The following ZBED6 variants were observed in gnomAD, a reference collection of about 807,000 sequenced individuals.
ZBED6 encodes zinc finger BED domain-containing protein 6.
ZBED6 carries 40 observed loss-of-function variants against 58.4 expected under a neutral mutation model. That is an observed-to-expected ratio of 0.68 (90% CI 0.53 to 0.89). The LOEUF is 0.89. Ranked by LOEUF, ZBED6 falls within the 40% of genes least tolerant of loss-of-function variation. The pLI, the probability that ZBED6 is intolerant of heterozygous loss-of-function variation, is 0.00. For missense variants in ZBED6, 1,057 were observed against 1,003.9 expected, an observed-to-expected ratio of 1.05 and a Z score of -0.71; for synonymous variants, 439 against 350.6, an observed-to-expected ratio of 1.25 and a Z score of -2.82.
At chr1:203,796,380 C>A (rs948127850) in exon 1 of ZBED6, 2 of 398,972 alleles carry the variant, frequency 5.0e-6, no homozygotes, top group South Asian at 1.3e-4. Context: ...TCCCCACTCT[C>A]ATTACACTCC....
chr1:203,854,011 A>G (rs746880547), exon 17 of ZBED6: 4 of 152,632 alleles, frequency 2.6e-5, no homozygotes, highest in Admixed American at 6.6e-5. Context: ...TTTGTTTCAT[A>G]TTTAAAGCAC....
exon 1 of ZBED6, chr1:203,802,796 G>T (rs1003550634): frequency 6.6e-6 from 1 of 151,744 alleles, no homozygotes; most frequent in African/African-American, 2.4e-5. Context: ...TCTGACAAAG[G>T]TTATTTGAAT....
chr1:203,849,767 G>A (rs746186053), exon 14 of ZBED6: 1 of 1,613,908 alleles, frequency 6.2e-7, no homozygotes, highest in South Asian at 1.1e-5. Flanking sequence ...AGAGATGTGA[G>A]ACCATGAGAG....
chr1:203,830,309 A>C lies in ZBED6; in HGVS notation c.*3399+106A>C, dbSNP rs746671154. 16 of 875,408 alleles carry C rather than the reference A, an allele frequency of 1.8e-5. No individual in the cohort carries two copies. The South Asian group carries it at 2.8e-4, about 15-fold the overall frequency. 54.2% of individuals were successfully genotyped at this position (875,408 alleles called of 1,614,324 possible). A position where few individuals can be genotyped will look rare whatever the true frequency, so the allele number is the denominator to read the frequency against. On this transcript the variant is annotated intron_variant, in intron 7 of 16. Coordinates refer to ENST00000550078, the Ensembl canonical transcript of ZBED6. The stretch of plus-strand genomic sequence containing the variant: ...AATGAGCAAATAGATTTTCATTTCC[A>C]TGGCCTGTTTGAAGTAAAACACAGA...
chr1:203,803,580 C>T lies in ZBED6; in HGVS notation c.*2554+564C>T, dbSNP rs147230761. Among the ~76,000 whole-genome samples the T allele has an allele frequency of 3.3e-5, 5 of 152,264 alleles. No individual in the cohort carries two copies. In the East Asian group the frequency reaches 7.7e-4, roughly 24 times the overall value. On this transcript the variant is annotated intron_variant, in intron 1 of 16. Transcript: ENST00000550078. ...CCAAAGTGAAATCTTCCTGTAATTC[C>T]ATCTCCTTGGAGAAAAGCACTGGGT...
At position 203,838,596 on chromosome 1, in the gene ZBED6, A is replaced by G. The variant is rs150126779; in HGVS notation, c.*3672+532A>G. On this transcript the variant is annotated intron_variant, in intron 10 of 16. Transcript: ENST00000550078. ...AAGAGTGTGGTGACTAGATCATAATATAGTCTTTAAGCCATGTTAGAAAGT... is the reference window on the plus strand; with the variant it reads ...AAGAGTGTGGTGACTAGATCATAATGTAGTCTTTAAGCCATGTTAGAAAGT... Among the ~76,000 whole-genome samples the G allele has an allele frequency of 1.1e-3, 163 of 152,304 alleles. 1 individual carries two copies. The highest frequency in any genetic ancestry group is 3.5e-3 in the African/African-American group (145 of 41,570).
chr1:203,847,933 G>T (rs1175722284), intron 12 of ZBED6, among the ~76,000 whole-genome samples: 1 of 152,118 alleles, frequency 6.6e-6, no homozygotes, highest in Non-Finnish European at 1.5e-5. Context: ...TTGGCTCACT[G>T]TAGCCTCCAC....
chr1:203,834,826 A>G (rs1344446507), intron 9 of ZBED6, among the ~76,000 whole-genome samples: 2 of 151,790 alleles, frequency 1.3e-5, no homozygotes, highest in East Asian at 3.9e-4. Flanking sequence ...TATTTTTAGT[A>G]GAGATGGGGT....
At chr1:203,841,193 G>GT (rs1202271830) in intron 11 of ZBED6, among the ~76,000 whole-genome samples, 1 of 144,990 alleles carries the variant, frequency 6.9e-6, no homozygotes, top group African/African-American at 2.6e-5. Flanking sequence ...ATTCTTGGGT[G>GT]TTTCTCGGAG....
chr1:203,806,728 T>C (rs1040112600), intron 1 of ZBED6, among the ~76,000 whole-genome samples: 4 of 152,178 alleles, frequency 2.6e-5, no homozygotes, highest in Admixed American at 6.6e-5. Flanking sequence ...TGTTTTACCA[T>C]ATTGCATATG....
At chr1:203,830,671 G>T (rs748412147) in intron 7 of ZBED6, among the ~76,000 whole-genome samples, 1 of 151,912 alleles carries the variant, frequency 6.6e-6, no homozygotes, top group Non-Finnish European at 1.5e-5. Flanking sequence ...TAGCCAGGCG[G>T]GGTGGCATGC....
At chr1:203,796,478 C>T (rs1668541323) in exon 1 of ZBED6, 6 of 398,920 alleles carry the variant, frequency 1.5e-5, no homozygotes, top group East Asian at 1.1e-4. Context: ...TGAAGAACAC[C>T]CCTAAACTCC....
chr1:203,833,378 A>AG (rs1468526328), intron 8 of ZBED6, among the ~76,000 whole-genome samples: 1 of 148,510 alleles, frequency 6.7e-6, no homozygotes, highest in East Asian at 1.9e-4. Context: ...AAAAAAAAAA[A>AG]AAAAAACACC....
At chr1:203,831,716 T>C (rs1682440959) in exon 8 of ZBED6, 2 of 1,613,232 alleles carry the variant, frequency 1.2e-6, no homozygotes, top group East Asian at 4.5e-5. Context: ...TTCCAGGTCC[T>C]GAAAAAGAAA....
intron 3 of ZBED6, among the ~76,000 whole-genome samples, chr1:203,819,140 A>G (rs1014087386): frequency 1.4e-5 from 2 of 146,414 alleles, no homozygotes; most frequent in African/African-American, 5.4e-5. Context: ...ACATATGTAT[A>G]TGTGTGTATA....
chr1:203,819,226 A>ATT (rs967842944), intron 3 of ZBED6, among the ~76,000 whole-genome samples: 1 of 123,808 alleles, frequency 8.1e-6, no homozygotes. Flanking sequence ...CTTTCTTTTT[A>ATT]TTTTTTTTTT....
chr1:203,838,454 G>A (rs781128947), intron 10 of ZBED6, among the ~76,000 whole-genome samples: 1 of 152,222 alleles, frequency 6.6e-6, no homozygotes, highest in Admixed American at 6.5e-5. Flanking sequence ...AAATTAGCCA[G>A]GTGAAGTTCG....
At chr1:203,845,263 A>G (rs913302593) in intron 11 of ZBED6, among the ~76,000 whole-genome samples, 3 of 152,098 alleles carry the variant, frequency 2.0e-5, no homozygotes, top group Admixed American at 6.6e-5. Flanking sequence ...TTATCATTTC[A>G]ATGAAATTTT....
At chr1:203,841,415 T>C (rs986800711) in intron 11 of ZBED6, among the ~76,000 whole-genome samples, 5 of 152,162 alleles carry the variant, frequency 3.3e-5, no homozygotes, top group African/African-American at 1.2e-4. Context: ...GCACCGCCCT[T>C]AATCAATTTA....
Sources: allele counts gnomAD v4.1 joint callset (sites outside exome capture counted in the v4.1 genomes callset), GRCh38; gene constraint gnomAD v4.1.1; transcripts MANE v1.5; gene names NCBI Gene and HGNC (gene_info 2026-07-23, HGNC 2026-07-21).